Variants in B3GALT5 observed in about 807,000 individuals in gnomAD.
B3GALT5 encodes beta-1,3-galactosyltransferase 5.
For synonymous variants in B3GALT5, 156 were observed against 158.6 expected, an observed-to-expected ratio of 0.98 and a Z score of 0.12; for missense variants, 328 against 396.6, an observed-to-expected ratio of 0.83 and a Z score of 1.47.
intron 1 of B3GALT5, among the ~76,000 whole-genome samples, chr21:39,616,713 A>G (rs1379508676): frequency 6.6e-6 from 1 of 152,176 alleles, no homozygotes; most frequent in Non-Finnish European, 1.5e-5. Context: ...TCCTGGAGAT[A>G]CAGTTTATCA....
chr21:39,650,430 C>A (rs1219365266), intron 2 of B3GALT5, among the ~76,000 whole-genome samples: 1 of 152,206 alleles, frequency 6.6e-6, no homozygotes, highest in Non-Finnish European at 1.5e-5. Context: ...ACGGAGCTTC[C>A]TGTGGCCACA....
In B3GALT5 at chr21:39,661,344, C is replaced by T. The variant is rs575135109; in HGVS notation, c.785C>T (p.Ser262Phe). The T allele has an allele frequency of 6.2e-7, 1 of 1,612,330 alleles. No homozygotes were observed. Among genetic ancestry groups the T allele is most frequent in the Non-Finnish European group, 8.5e-7 (1 of 1,179,318 alleles). ...AACATCAGATTGGAGGAGCTCCACT[C>T]CCAGCCGACCTTTTTTCCAGGGGGC... ...RLNIRLEELH[S>F]QPTFFPGGLR... Residue 262 changes from serine (S) to phenylalanine (F), a missense_variant, in exon 4 of 4, where the codon TCC becomes TTC. Ser to Phe is a radical substitution (Grantham distance 155, BLOSUM62 -2). Coordinates refer to ENST00000684187, the MANE Select transcript of B3GALT5 (RefSeq NM_001356336.2). This position sits in a 1 kb window ranked among gnomAD's most constrained non-coding sequence, Gnocchi z 4.7.
Position 39,672,389 on chromosome 21 carries a change from A to C in B3GALT5, c.*10897A>C, listed in dbSNP as rs536055324. 11 of 152,362 alleles carry C rather than the reference A, an allele frequency of 7.2e-5. No individual in the cohort carries two copies. Among genetic ancestry groups the C allele is most frequent in the Non-Finnish European group, 1.0e-4 (7 of 68,032 alleles). 9.4% of individuals were successfully genotyped at this position (152,362 alleles called of 1,614,324 possible). Reference sequence around the variant, plus strand: ...AAATTACTTAATGCAACCAGAGGAGACTTCGCAGTCAAATTTTGCTTTTCC... The same window carrying C: ...AAATTACTTAATGCAACCAGAGGAGCCTTCGCAGTCAAATTTTGCTTTTCC... On this transcript the variant is annotated 3_prime_UTR_variant, in exon 4 of 4. Coordinates refer to ENST00000684187, the MANE Select transcript of B3GALT5 (RefSeq NM_001356336.2).
rs543651126 is a variant in B3GALT5 at position 39,662,722 on chromosome 21, C to A, written c.*1230C>A. The A allele has an allele frequency of 6.0e-6, 1 of 167,434 alleles. No individual in the cohort carries two copies. Among genetic ancestry groups the A allele is most frequent in the East Asian group, 1.9e-4 (1 of 5,200 alleles). The allele number at this position is 167,434 out of a possible 1,614,324, so 10.4% of individuals were successfully genotyped here. A position where few individuals can be genotyped will look rare whatever the true frequency, so the allele number is the denominator to read the frequency against. On this transcript the variant is annotated 3_prime_UTR_variant, in exon 4 of 4. Coordinates refer to ENST00000684187, the MANE Select transcript of B3GALT5 (RefSeq NM_001356336.2). ...AGGGTTGTATAAAACCAAGGTACTTCGTTAGTTTTGCCCATTCAGCCATGG... is the reference window on the plus strand; with the variant it reads ...AGGGTTGTATAAAACCAAGGTACTTAGTTAGTTTTGCCCATTCAGCCATGG...
intron 1 of B3GALT5, among the ~76,000 whole-genome samples, chr21:39,616,320 C>G (rs1352668673): frequency 6.6e-6 from 1 of 152,202 alleles, no homozygotes; most frequent in Non-Finnish European, 1.5e-5. Flanking sequence ...TTGGTGATCA[C>G]TGTGCTTCCT....
intron 1 of B3GALT5, among the ~76,000 whole-genome samples, chr21:39,619,072 A>C (rs533094461): frequency 6.6e-6 from 1 of 152,254 alleles, no homozygotes; most frequent in African/African-American, 2.4e-5. Flanking sequence ...CATTTGTAAT[A>C]CCATACTTGT....
intron 1 of B3GALT5, among the ~76,000 whole-genome samples, chr21:39,613,982 A>G (rs2079094286): frequency 6.6e-6 from 1 of 152,128 alleles, no homozygotes; most frequent in African/African-American, 2.4e-5. Flanking sequence ...TGTCTTTTTC[A>G]AAGAGATGGA....
intron 1 of B3GALT5, among the ~76,000 whole-genome samples, chr21:39,631,799 G>A (rs946949783): frequency 4.4e-4 from 67 of 152,172 alleles, no homozygotes; most frequent in African/African-American, 1.5e-3. Flanking sequence ...AGGTATGCAC[G>A]AGGAATAGTG....
chr21:39,655,553 A>G (rs549671654), intron 2 of B3GALT5, among the ~76,000 whole-genome samples: 9 of 152,222 alleles, frequency 5.9e-5, no homozygotes, highest in African/African-American at 1.7e-4. Context: ...ACTTCAGCTC[A>G]CTTGGGAGAT....
At chr21:39,631,660 A>G (rs563262718) in intron 1 of B3GALT5, among the ~76,000 whole-genome samples, 4 of 152,378 alleles carry the variant, frequency 2.6e-5, no homozygotes, top group South Asian at 4.1e-4. Flanking sequence ...TTGAGCATCT[A>G]TGATGTGACA....
intron 2 of B3GALT5, 103 bp from the exon 3 acceptor site, chr21:39,659,650 A>G (rs1386279713): frequency 2.7e-5 from 17 of 627,482 alleles, no homozygotes; most frequent in Admixed American, 6.3e-5. Context: ...GCTCAGAGTC[A>G]CATAAGTAGG....
chr21:39,642,857 G>A (rs1178486187), intron 1 of B3GALT5, among the ~76,000 whole-genome samples: 3 of 141,308 alleles, frequency 2.1e-5, no homozygotes, highest in Admixed American at 1.4e-4. Flanking sequence ...GCAACATAAC[G>A]AGACTCCCAT....
At chr21:39,621,959 G>A (rs989182099) in intron 1 of B3GALT5, among the ~76,000 whole-genome samples, 1 of 151,682 alleles carries the variant, frequency 6.6e-6, no homozygotes, top group East Asian at 1.9e-4. Context: ...AATGTTTATT[G>A]CTCTTTTTTC....
At chr21:39,649,988 T>G (rs2079379288) in intron 2 of B3GALT5, among the ~76,000 whole-genome samples, 1 of 152,146 alleles carries the variant, frequency 6.6e-6, no homozygotes, top group South Asian at 2.1e-4. Flanking sequence ...CCCTGCTGTG[T>G]CAGATCCCAG....
intron 1 of B3GALT5, among the ~76,000 whole-genome samples, chr21:39,639,359 C>CTTTCTTTTT (rs1569212217): frequency 1.7e-4 from 17 of 100,596 alleles, no homozygotes; most frequent in Non-Finnish European, 2.1e-4. Flanking sequence ...TCCTTCCTTC[C>CTTTCTTTTT]TTCCTTCCTT....
At chr21:39,632,900 A>G (rs979756492) in intron 1 of B3GALT5, among the ~76,000 whole-genome samples, 1 of 152,188 alleles carries the variant, frequency 6.6e-6, no homozygotes, top group African/African-American at 2.4e-5. Flanking sequence ...TATATGTTTC[A>G]GATGATTTAT....
At position 39,661,513 on chromosome 21, in the gene B3GALT5, C is replaced by T. The variant is rs369617028; in HGVS notation, c.*21C>T. On this transcript the variant is annotated 3_prime_UTR_variant, in exon 4 of 4. Coordinates refer to ENST00000684187, the MANE Select transcript of B3GALT5 (RefSeq NM_001356336.2). The surrounding 1 kb of genome is among the most constrained non-coding windows in gnomAD (Gnocchi z 4.7). ...TCTGAGGGGAGCCCAGAGGCACATC[C>T]GGACAAGTTTCAGATAACCCGTGGG... 19 of 1,489,666 alleles carry T rather than the reference C, an allele frequency of 1.3e-5. No individual in the cohort carries two copies. Among genetic ancestry groups the T allele is most frequent in the Middle Eastern group, 2.1e-4 (1 of 4,826 alleles). The allele number at this position is 1,489,666 out of a possible 1,614,324, so 92.3% of individuals were successfully genotyped here.
intron 1 of B3GALT5, among the ~76,000 whole-genome samples, chr21:39,627,330 C>G (rs887151656): frequency 1.3e-5 from 2 of 152,190 alleles, no homozygotes; most frequent in African/African-American, 4.8e-5. Context: ...GCTTCAGATG[C>G]TATCTTTGCC....
At chr21:39,653,226 A>G (rs188116625) in intron 2 of B3GALT5, among the ~76,000 whole-genome samples, 8 of 152,352 alleles carry the variant, frequency 5.3e-5, no homozygotes, top group African/African-American at 1.9e-4. Flanking sequence ...TTCACTCAAC[A>G]TAACATCTGT....
Sources: gnomAD v4.1 joint callset for allele counts (sites outside exome capture counted in the v4.1 genomes callset) on GRCh38, gnomAD v4.1.1 for gene constraint, Gnocchi (gnomAD v3.1) non-coding constraint, MANE v1.5 for transcripts, NCBI Gene and HGNC (gene_info 2026-07-23, HGNC 2026-07-21) for gene names.